The following TMEM132B variants were observed in gnomAD, a reference collection of about 807,000 sequenced individuals.
TMEM132B encodes transmembrane protein 132B.
In TMEM132B, 18 loss-of-function variants were observed where a neutral mutation model predicts 90.8. That is an observed-to-expected ratio of 0.20 (90% CI 0.14 to 0.29). The LOEUF (loss-of-function observed/expected upper bound fraction) is 0.29, where lower values mean the gene tolerates loss of function less well. Among genes scored for constraint, TMEM132B ranks in the 10% least tolerant of loss-of-function variants. TMEM132B has a pLI of 1.00. For missense variants in TMEM132B, 1,096 were observed against 1,326.8 expected (o/e 0.83, Z 2.70); for synonymous variants, 504 against 523.3 (o/e 0.96, Z 0.50).
rs972594634 is a variant in TMEM132B at position 125,246,219 on chromosome 12, C to T, written c.67+59353C>T. Among the ~76,000 whole-genome samples, 5 of 152,204 alleles carry T rather than the reference C, an allele frequency of 3.3e-5. No individual in the cohort carries two copies. Among genetic ancestry groups the T allele is most frequent in the African/African-American group, 1.2e-4 (5 of 41,444 alleles). ...GCTCTGTGCCGAGGAGAATGTCAAG[C>T]CTGTTAGATCATAAAAACCAGCATT... On this transcript the variant is annotated intron_variant, in intron 1 of 8. Transcript: ENST00000682704. The surrounding 1 kb of genome is among the most constrained non-coding windows in gnomAD (Gnocchi z 4.2).
chr12:125,205,812 G>A (rs1399616381), intron 1 of TMEM132B, among the ~76,000 whole-genome samples: 3 of 152,246 alleles, frequency 2.0e-5, no homozygotes, highest in African/African-American at 7.2e-5. Context: ...TTAGCAGCCA[G>A]CCCATAATCC....
At chr12:125,627,448 CCTTT>C (rs1483112929) in intron 5 of TMEM132B, among the ~76,000 whole-genome samples, 1 of 151,764 alleles carries the variant, frequency 6.6e-6, no homozygotes, top group Non-Finnish European at 1.5e-5. Context: ...GTTGTGTATA[CCTTT>C]CTTTCTAATA....
rs746221594 is a variant in TMEM132B at position 125,653,561 on chromosome 12, T to C, written c.2107-4T>C. 6.3e-7 allele frequency: 1 copy of C among 1,597,496 alleles called. No homozygotes were observed. Among genetic ancestry groups the C allele is most frequent in the South Asian group, 1.1e-5 (1 of 89,634 alleles). On this transcript the variant is annotated splice_region_variant and splice_polypyrimidine_tract_variant and intron_variant, in intron 8 of 8. Coordinates refer to ENST00000682704, the MANE Select transcript of TMEM132B (RefSeq NM_001366854.1). ...ACATAATGCTTTGGTTTCATTTTCC[T>C]CAGGAAGCAATAGTAAGTTCTTGGA...
intron 1 of TMEM132B, among the ~76,000 whole-genome samples, chr12:125,212,948 C>T (rs1454588058): frequency 1.3e-5 from 2 of 151,928 alleles, no homozygotes; most frequent in African/African-American, 4.8e-5. Context: ...TCACACAACA[C>T]ACAACCATTT....
intron 3 of TMEM132B, among the ~76,000 whole-genome samples, chr12:125,513,176 T>G (rs1276757809): frequency 6.6e-6 from 1 of 152,222 alleles, no homozygotes; most frequent in East Asian, 1.9e-4. Context: ...CGGCACATGC[T>G]CCTCTGAGAC....
At chr12:125,295,534 GAGAGAGAGAC>G (rs1875650030) in intron 1 of TMEM132B, among the ~76,000 whole-genome samples, 1 of 124,818 alleles carries the variant, frequency 8.0e-6, no homozygotes, top group African/African-American at 3.0e-5. Context: ...GAGAGAGAGA[GAGAGAGAGAC>G]AGAGACAGAG....
intron 3 of TMEM132B, among the ~76,000 whole-genome samples, chr12:125,502,171 C>G (rs753209408): frequency 6.6e-6 from 1 of 152,162 alleles, no homozygotes; most frequent in African/African-American, 2.4e-5. Context: ...GAAATCTCAG[C>G]TCTCAAATCT....
intron 3 of TMEM132B, among the ~76,000 whole-genome samples, chr12:125,473,752 T>C (rs1226599121): frequency 2.7e-4 from 41 of 152,170 alleles, no homozygotes; most frequent in Non-Finnish European, 2.9e-4. Context: ...TTTCCAGCTC[T>C]CAAGGGTCCC....
chr12:125,477,466 T>C (rs1881913689), intron 3 of TMEM132B, among the ~76,000 whole-genome samples: 1 of 152,200 alleles, frequency 6.6e-6, no homozygotes, highest in South Asian at 2.1e-4. Context: ...AGTTAACTAT[T>C]TCTTCAACAG....
chr12:125,659,610 GT>G lies in TMEM132B; in HGVS notation c.*4901del, dbSNP rs1381130735. ...GAGGGGCTAGAGGCTCTCTGTTGGTGTGTGTGTATTTCTTGAAACTGCAGAG... is the reference window on the plus strand; with the variant it reads ...GAGGGGCTAGAGGCTCTCTGTTGGTGGTGTGTATTTCTTGAAACTGCAGAG... On this transcript the variant is annotated 3_prime_UTR_variant, in exon 9 of 9. Transcript: ENST00000682704. 1.3e-5 allele frequency: 2 copies of G among 152,254 alleles called. No individual in the cohort carries two copies. Among genetic ancestry groups the G allele is most frequent in the Non-Finnish European group, 2.9e-5 (2 of 68,074 alleles). 9.4% of individuals were successfully genotyped at this position (152,254 alleles called of 1,614,324 possible).
chr12:125,196,061 C>T (rs531810772), intron 1 of TMEM132B, among the ~76,000 whole-genome samples: 177 of 152,262 alleles, frequency 1.2e-3, no homozygotes, highest in African/African-American at 3.9e-3. Flanking sequence ...CTCACAGGAG[C>T]AGAAGCCCTG....
chr12:125,487,396 A>G (rs963621834), intron 3 of TMEM132B, among the ~76,000 whole-genome samples: 7 of 152,346 alleles, frequency 4.6e-5, no homozygotes, highest in Admixed American at 3.9e-4. Flanking sequence ...GCTGTAACAA[A>G]TAACCCTCTA....
In TMEM132B at chr12:125,218,123, G is replaced by C. The variant is rs530773268; in HGVS notation, c.67+31257G>C. ...ATACACATGTATATGTTTGCAAATA[G>C]GTGGAGCAACACCCTAAGGAGTCCT... On this transcript the variant is annotated intron_variant, in intron 1 of 8. Transcript: ENST00000682704. 6.6e-5 allele frequency among the ~76,000 whole-genome samples: 10 copies of C among 152,248 alleles called. No individual in the cohort carries two copies. The East Asian group carries it at 1.5e-3, about 24-fold the overall frequency.
At chr12:125,322,615 A>G (rs1192293545) in intron 1 of TMEM132B, among the ~76,000 whole-genome samples, 2 of 152,192 alleles carry the variant, frequency 1.3e-5, no homozygotes, top group African/African-American at 4.8e-5. Context: ...TTTGTAGCTA[A>G]ACTCATCAAA....
intron 3 of TMEM132B, among the ~76,000 whole-genome samples, chr12:125,443,301 G>T (rs1170778196): frequency 1.3e-5 from 2 of 152,218 alleles, no homozygotes; most frequent in African/African-American, 4.8e-5. Flanking sequence ...GAGGGGAGAA[G>T]AGGGCCAGTT....
chr12:125,421,257 C>T (rs1314853264), intron 3 of TMEM132B, among the ~76,000 whole-genome samples: 1 of 152,212 alleles, frequency 6.6e-6, no homozygotes, highest in African/African-American at 2.4e-5. Flanking sequence ...GTATTAGTCT[C>T]TTCTCATGCT....
At chr12:125,561,870 G>A (rs1006171128) in intron 4 of TMEM132B, among the ~76,000 whole-genome samples, 2 of 152,120 alleles carry the variant, frequency 1.3e-5, no homozygotes, top group Non-Finnish European at 2.9e-5. Context: ...TTTGGGGAAT[G>A]GTAAATGAGC....
chr12:125,376,490 G>A (rs1274234037), intron 2 of TMEM132B, among the ~76,000 whole-genome samples: 2 of 152,174 alleles, frequency 1.3e-5, no homozygotes, highest in African/African-American at 2.4e-5. Flanking sequence ...GACCAGCCCC[G>A]GTGGATGCTC....
chr12:125,189,413 C>T (rs1957782250), intron 1 of TMEM132B, among the ~76,000 whole-genome samples: 1 of 152,174 alleles, frequency 6.6e-6, no homozygotes, highest in Non-Finnish European at 1.5e-5. Flanking sequence ...TGCCCCACGA[C>T]AGAGGGGCCA....
Sources: allele counts gnomAD v4.1 joint callset (sites outside exome capture counted in the v4.1 genomes callset), GRCh38; gene constraint gnomAD v4.1.1; non-coding constraint Gnocchi (gnomAD v3.1); transcripts MANE v1.5; gene names NCBI Gene and HGNC (gene_info 2026-07-23, HGNC 2026-07-21).